Variants in HEATR1 observed in about 807,000 individuals in gnomAD.
HEATR1 encodes HEAT repeat containing 1, also known as HEAT repeat-containing protein 1.
HEATR1 carries 77 observed loss-of-function variants against 248.2 expected under a neutral mutation model. The observed-to-expected ratio is 0.31, with a 90% confidence interval of 0.26 to 0.37. The LOEUF (loss-of-function observed/expected upper bound fraction) is 0.37, where lower values mean the gene tolerates loss of function less well. HEATR1 is among the 10% of genes least tolerant of loss of function. The probability of loss-of-function intolerance (pLI) is 1.00; values close to 1 mark genes in which losing one functional copy is unlikely to be tolerated. For missense variants in HEATR1, 2,420 were observed against 2,504.9 expected, an observed-to-expected ratio of 0.97 and a Z score of 0.72; for synonymous variants, 897 against 923.1, an observed-to-expected ratio of 0.97 and a Z score of 0.51.
chr1:236,557,912 ATCTT>A (rs1323590923), intron 36 of HEATR1, among the ~76,000 whole-genome samples: 1 of 152,230 alleles, frequency 6.6e-6, no homozygotes, highest in East Asian at 1.9e-4. Flanking sequence ...GGAAGGCTGC[ATCTT>A]TCTGTTTGAA....
chr1:236,550,866 G>C lies in HEATR1; in HGVS notation c.*36C>G. ...AAATAAAAATATGAAATATGAGTGTGAACTCTGAGTAGAGTATGAAACACC... is the reference window on the plus strand; with the variant it reads ...AAATAAAAATATGAAATATGAGTGTCAACTCTGAGTAGAGTATGAAACACC... On this transcript the variant is annotated 3_prime_UTR_variant, in exon 45 of 45. Coordinates refer to ENST00000366582, the MANE Select transcript of HEATR1 (RefSeq NM_018072.6). 1 of 1,480,856 alleles carries C rather than the reference G, an allele frequency of 6.8e-7. No individual in the cohort carries two copies. Among genetic ancestry groups the C allele is most frequent in the Non-Finnish European group, 9.2e-7 (1 of 1,087,742 alleles). The allele number at this position is 1,480,856 out of a possible 1,614,324, so 91.7% of individuals were successfully genotyped here.
At chr1:236,574,474 C>T in intron 23 of HEATR1, 141 bp from the exon 24 acceptor site, 3 of 1,209,928 alleles carry the variant, frequency 2.5e-6, no homozygotes, top group Non-Finnish European at 3.4e-6. Flanking sequence ...TTTTAATGAC[C>T]CATGTACAAC....
At chr1:236,580,294 G>A (rs1035977526) in intron 20 of HEATR1, among the ~76,000 whole-genome samples, 1 of 152,268 alleles carries the variant, frequency 6.6e-6, no homozygotes, top group South Asian at 2.1e-4. Flanking sequence ...ATGCAGGAGG[G>A]TTTTGTTTTT....
intron 8 of HEATR1, among the ~76,000 whole-genome samples, chr1:236,595,238 G>T (rs561339247): frequency 1.8e-4 from 27 of 152,098 alleles, no homozygotes; most frequent in African/African-American, 5.1e-4. Context: ...GAAGGCAAAG[G>T]TTTACTCAGT....
Position 236,596,611 on chromosome 1 carries a change from C to T in HEATR1, c.744+225G>A, listed in dbSNP as rs989613376. Among the ~76,000 whole-genome samples the T allele has an allele frequency of 5.3e-5, 8 of 152,108 alleles. No homozygotes were observed. The East Asian group carries it at 9.6e-4, about 18-fold the overall frequency. Reference sequence around the variant, plus strand: ...TATGGAAATCAATCTAGGAGATGGCCGCAGGACCAGACAGCCAATATTTAT... The same window carrying T: ...TATGGAAATCAATCTAGGAGATGGCTGCAGGACCAGACAGCCAATATTTAT... On this transcript the variant is annotated intron_variant, in intron 6 of 44. Transcript: ENST00000366582.
At chr1:236,578,451 TTTTGA>T (rs1329489350) in intron 20 of HEATR1, among the ~76,000 whole-genome samples, 1 of 152,250 alleles carries the variant, frequency 6.6e-6, no homozygotes, top group African/African-American at 2.4e-5. Flanking sequence ...AAACGCTAGC[TTTTGA>T]TTTGAGGAAT....
chr1:236,566,580 G>A, intron 30 of HEATR1, 66 bp downstream of exon 30: 1 of 1,175,232 alleles, frequency 8.5e-7, no homozygotes, highest in Non-Finnish European at 1.2e-6. Flanking sequence ...TGTTTAAACT[G>A]GACAATATCA....
At chr1:236,587,024 A>G (rs1170577093) in intron 14 of HEATR1, among the ~76,000 whole-genome samples, 1 of 152,176 alleles carries the variant, frequency 6.6e-6, no homozygotes, top group Non-Finnish European at 1.5e-5. Context: ...AGATGGTATC[A>G]TGTGTCTCTG....
At chr1:236,597,067 A>G (rs1467034519) in intron 5 of HEATR1, 91 bp from the exon 6 acceptor site, 3 of 1,178,616 alleles carry the variant, frequency 2.5e-6, no homozygotes, top group African/African-American at 3.1e-5. Flanking sequence ...TGAGATTTCA[A>G]TGAACTATGA....
Position 236,595,653 on chromosome 1 carries a change from T to C in HEATR1, c.977A>G (p.Asn326Ser), listed in dbSNP as rs557630891. ...AAGTATTGTAATAAGATCAGGAACA[T>C]TACATAAGTGAGGGAATGGCCTTTG... is the stretch of plus-strand genomic sequence containing the variant. ...LGKKPFPHLC[N>S]VPDLITILHG... Residue 326 changes from asparagine to serine, a missense_variant, in exon 8 of 45, where the codon AAT (asparagine) becomes AGT (serine). Physicochemically the swap from Asn to Ser is conservative, Grantham distance 46. Transcript: ENST00000366582. 1.7e-5 allele frequency: 27 copies of C among 1,612,184 alleles called. No homozygotes were observed. In the East Asian group the frequency reaches 3.6e-4, roughly 21 times the overall value.
chr1:236,566,724 T>C lies in HEATR1; in HGVS notation c.4230A>G (p.Lys1410=), dbSNP rs758234050. 3 of 1,614,138 alleles carry C rather than the reference T, an allele frequency of 1.9e-6. No individual in the cohort carries two copies. Among genetic ancestry groups the C allele is most frequent in the Middle Eastern group, 1.6e-4 (1 of 6,062 alleles). Residue 1410 remains lysine (K), a synonymous_variant, in exon 30 of 45, where the codon AAA becomes AAG. Coordinates refer to ENST00000366582, the MANE Select transcript of HEATR1 (RefSeq NM_018072.6). The stretch of plus-strand genomic sequence containing the variant: ...GCAAGATGAGGAGAATCCAGAGGAA[T>C]TTCTCTGCACCCAGTGTATCAACAA... The part of the protein sequence containing the change: ...VQLVDTLGAE[K]FLWILLILLF...
rs1662968567 is a variant in HEATR1 at position 236,556,129 on chromosome 1, T to A, written c.5485A>T (p.Thr1829Ser). 3 of 1,614,118 alleles carry A rather than the reference T, an allele frequency of 1.9e-6. No homozygotes were observed. The highest frequency in any genetic ancestry group is 2.5e-6 in the Non-Finnish European group (3 of 1,180,008). The part of the protein sequence containing the change: ...PRVLLPAIKK[T>S]YKQIEKNWKN... Reference sequence around the variant, plus strand: ...CAGTTCTTCTCAATCTGCTTGTAAGTTTTTTTGATGGCGGGCAACAGGACT... The same window carrying A: ...CAGTTCTTCTCAATCTGCTTGTAAGATTTTTTGATGGCGGGCAACAGGACT... Residue 1829 changes from threonine (T) to serine (S), a missense_variant, in exon 38 of 45, where the codon ACT becomes TCT. Thr to Ser is a moderately conservative substitution (Grantham distance 58). Coordinates refer to ENST00000366582, the MANE Select transcript of HEATR1 (RefSeq NM_018072.6).
rs1663789648 is a variant in HEATR1 at position 236,582,871 on chromosome 1, A to C, written c.2427T>G (p.Gly809=). 1 of 1,613,658 alleles carries C rather than the reference A, an allele frequency of 6.2e-7. No individual in the cohort carries two copies. Among genetic ancestry groups the C allele is most frequent in the Non-Finnish European group, 8.5e-7 (1 of 1,179,742 alleles). The change falls in exon 19 of 45, where the codon GGT becomes GGG. Residue 809 remains glycine, a splice_region_variant and synonymous_variant. Coordinates refer to ENST00000366582, the MANE Select transcript of HEATR1 (RefSeq NM_018072.6). The part of the protein sequence containing the change: ...ALKAPKSFPK[G]DIWWNPEQLK... ...GTTGTTCAGGATTCCACCATATATCACCTACAAGGACATGGAAAGAGAAAT... is the reference window on the plus strand; with the variant it reads ...GTTGTTCAGGATTCCACCATATATCCCCTACAAGGACATGGAAAGAGAAAT...
intron 3 of HEATR1, among the ~76,000 whole-genome samples, chr1:236,600,247 C>T (rs1664284859): frequency 6.6e-6 from 1 of 150,954 alleles, no homozygotes; most frequent in Admixed American, 6.6e-5. Context: ...CTGCCTCCGC[C>T]TCCCAAGTAG....
chr1:236,573,833 T>C (rs1240884201), intron 24 of HEATR1, among the ~76,000 whole-genome samples: 1 of 152,120 alleles, frequency 6.6e-6, no homozygotes, highest in African/African-American at 2.4e-5. Flanking sequence ...CCATTATATG[T>C]CATTAAACAA....
At chr1:236,593,385 AAACC>A (rs1664091975) in intron 9 of HEATR1, among the ~76,000 whole-genome samples, 1 of 152,030 alleles carries the variant, frequency 6.6e-6, no homozygotes, top group Non-Finnish European at 1.5e-5. Flanking sequence ...TTTAATTCAC[AAACC>A]AACCCTCTGA....
At chr1:236,560,981 A>G (rs1663115894) in intron 33 of HEATR1, among the ~76,000 whole-genome samples, 1 of 152,224 alleles carries the variant, frequency 6.6e-6, no homozygotes, top group South Asian at 2.1e-4. Context: ...AATTTGATCA[A>G]TGTACTGTGG....
rs141641416 is a variant in HEATR1, at chr1:236,559,819, G to C, written c.4665C>G (p.Leu1555=). ...ACTGTGCAACTGCACTGATATAGCCGAGAACGGTCTCCAGCAACCTGAAAC... is the reference window on the plus strand; with the variant it reads ...ACTGTGCAACTGCACTGATATAGCCCAGAACGGTCTCCAGCAACCTGAAAC... The part of the protein sequence containing the change: ...GLEERLLETV[L]GYISAVAQSM... The change falls in exon 34 of 45, where the codon CTC becomes CTG. Residue 1555 remains leucine, a synonymous_variant. Transcript: ENST00000366582. 1 of 1,609,202 alleles carries C rather than the reference G, an allele frequency of 6.2e-7. No homozygotes were observed. Among genetic ancestry groups the C allele is most frequent in the Non-Finnish European group, 8.5e-7 (1 of 1,177,130 alleles).
rs146269365 is a variant in HEATR1, at chr1:236,577,220, C to T, written c.2756-271G>A. 5.5e-3 allele frequency among the ~76,000 whole-genome samples: 844 copies of T among 152,300 alleles called. 5 individuals carry two copies. The highest frequency in any genetic ancestry group is 9.5e-3 in the Non-Finnish European group (649 of 68,024). ...TGGACATTGCGCAATGGTGCAATCT[C>T]GGCTCACTGCAACCTCCGCCTCCTG... On this transcript the variant is annotated intron_variant, in intron 20 of 44. Coordinates refer to ENST00000366582, the MANE Select transcript of HEATR1 (RefSeq NM_018072.6).
Sources: allele counts gnomAD v4.1 joint callset (sites outside exome capture counted in the v4.1 genomes callset), GRCh38; gene constraint gnomAD v4.1.1; transcripts MANE v1.5; gene names NCBI Gene and HGNC (gene_info 2026-07-23, HGNC 2026-07-21).